The following PPFIA2 variants were observed in gnomAD, a reference collection of about 807,000 sequenced individuals.
The protein encoded by PPFIA2 is liprin-alpha-2.
Under a neutral mutation model 175.5 loss-of-function variants are expected in PPFIA2, and 46 were observed. The observed-to-expected ratio is 0.26, with a 90% CI of 0.21 to 0.34. The LOEUF is 0.34. Ranked by LOEUF, PPFIA2 falls within the 10% of genes least tolerant of loss-of-function variation. The pLI, the probability that PPFIA2 is intolerant of heterozygous loss-of-function variation, is 1.00. For synonymous variants in PPFIA2, 568 were observed against 511.4 expected, an observed-to-expected ratio of 1.11 and a Z score of -1.49; for missense variants, 1,179 against 1,506.1, an observed-to-expected ratio of 0.78 and a Z score of 3.60.
chr12:81,679,152 T>C (rs552092536), intron 3 of PPFIA2, among the ~76,000 whole-genome samples: 2 of 151,964 alleles, frequency 1.3e-5, no homozygotes, highest in African/African-American at 4.8e-5. Context: ...GGTAGTAAAA[T>C]GACTAAAATA....
At chr12:81,702,837 C>T in intron 3 of PPFIA2, among the ~76,000 whole-genome samples, 1 of 151,998 alleles carries the variant, frequency 6.6e-6, no homozygotes, top group Non-Finnish European at 1.5e-5. Context: ...AACTAGTGCC[C>T]ATATAAAACA....
intron 8 of PPFIA2, among the ~76,000 whole-genome samples, chr12:81,397,076 G>A (rs1264457280): frequency 6.6e-6 from 1 of 152,034 alleles, no homozygotes; most frequent in African/African-American, 2.4e-5. Context: ...TATTTTAAAT[G>A]TGCAAAGTCT....
chr12:81,591,867 T>A (rs2058715177), intron 4 of PPFIA2, among the ~76,000 whole-genome samples: 1 of 151,830 alleles, frequency 6.6e-6, no homozygotes, highest in South Asian at 2.1e-4. Context: ...AAATGTGGGG[T>A]CAATCTCTAC....
chr12:81,621,697 A>G (rs937871625), intron 4 of PPFIA2, among the ~76,000 whole-genome samples: 2 of 152,230 alleles, frequency 1.3e-5, no homozygotes, highest in African/African-American at 4.8e-5. Context: ...GATAACTCCA[A>G]TAATTTTCCT....
At chr12:81,433,357 T>G (rs903095087) in intron 7 of PPFIA2, among the ~76,000 whole-genome samples, 1 of 152,194 alleles carries the variant, frequency 6.6e-6, no homozygotes, top group Non-Finnish European at 1.5e-5. Context: ...AGAATACGCT[T>G]ATTCTCTGTT....
At chr12:81,456,940 A>C (rs529400176) in intron 5 of PPFIA2, among the ~76,000 whole-genome samples, 1 of 152,046 alleles carries the variant, frequency 6.6e-6, no homozygotes, top group South Asian at 2.1e-4. Context: ...CTCCTCTTTT[A>C]ATGGGCAGAT....
intron 8 of PPFIA2, among the ~76,000 whole-genome samples, chr12:81,390,753 T>A (rs535361642): frequency 6.6e-6 from 1 of 151,944 alleles, no homozygotes; most frequent in Admixed American, 6.6e-5. Flanking sequence ...TTCATGATAG[T>A]ATTCTTTGAA....
chr12:81,447,307 G>T (rs2051476709), intron 5 of PPFIA2, among the ~76,000 whole-genome samples: 1 of 152,100 alleles, frequency 6.6e-6, no homozygotes, highest in African/African-American at 2.4e-5. Context: ...AGGTTGTGGA[G>T]ATTTGCATGA....
chr12:81,370,757 A>C (rs893402953), intron 11 of PPFIA2, among the ~76,000 whole-genome samples: 1 of 151,916 alleles, frequency 6.6e-6, no homozygotes, highest in Non-Finnish European at 1.5e-5. Context: ...CAAAATTGTT[A>C]GTATGTTATG....
intron 3 of PPFIA2, among the ~76,000 whole-genome samples, chr12:81,731,020 C>G (rs956775957): frequency 6.6e-5 from 10 of 151,570 alleles, no homozygotes; most frequent in African/African-American, 2.4e-4. Context: ...TCTGTTGCTC[C>G]TGCCATCCTG....
chr12:81,284,825 A>G (rs1055807799), intron 24 of PPFIA2, among the ~76,000 whole-genome samples: 5 of 152,228 alleles, frequency 3.3e-5, no homozygotes, highest in African/African-American at 1.2e-4. Context: ...TCTGGAAACC[A>G]GCATCAGCTT....
At chr12:81,507,361 CA>C (rs2061287323) in intron 4 of PPFIA2, among the ~76,000 whole-genome samples, 1 of 151,956 alleles carries the variant, frequency 6.6e-6, no homozygotes, top group Non-Finnish European at 1.5e-5. Context: ...GTATTTTTTT[CA>C]ATCTATATCT....
intron 7 of PPFIA2, among the ~76,000 whole-genome samples, chr12:81,431,903 C>T (rs746933467): frequency 6.6e-6 from 1 of 152,120 alleles, no homozygotes; most frequent in Non-Finnish European, 1.5e-5. Context: ...CCCAATCCTA[C>T]CTCTACCTGC....
chr12:81,628,376 C>CTTTTTT (rs11304359), intron 4 of PPFIA2, among the ~76,000 whole-genome samples: 9 of 111,676 alleles, frequency 8.1e-5, no homozygotes, highest in Non-Finnish European at 1.4e-4. Context: ...TTTCTTTTAC[C>CTTTTTT]TTTTTTTTTT....
At chr12:81,391,934 T>C (rs1023537271) in intron 8 of PPFIA2, among the ~76,000 whole-genome samples, 5 of 151,852 alleles carry the variant, frequency 3.3e-5, no homozygotes, top group African/African-American at 9.7e-5. Context: ...TGGATATAGA[T>C]GGAAATATGA....
intron 6 of PPFIA2, among the ~76,000 whole-genome samples, chr12:81,442,819 G>T (rs2050411562): frequency 9.3e-6 from 1 of 107,516 alleles, no homozygotes; most frequent in African/African-American, 3.5e-5. Context: ...TGTCCCCAAG[G>T]CATGGTTAAT....
intron 5 of PPFIA2, among the ~76,000 whole-genome samples, chr12:81,452,001 T>TTG (rs1186775388): frequency 2.6e-5 from 4 of 152,154 alleles, no homozygotes; most frequent in African/African-American, 9.7e-5. Flanking sequence ...ACTCAAAGGA[T>TTG]TGTAGAGACT....
At chr12:81,595,461 T>C (rs1348285001) in intron 4 of PPFIA2, among the ~76,000 whole-genome samples, 1 of 152,080 alleles carries the variant, frequency 6.6e-6, no homozygotes, top group East Asian at 1.9e-4. Context: ...AGTCATTCAT[T>C]AGACATACAG....
chr12:81,324,261 A>T (rs1303677653), intron 22 of PPFIA2, among the ~76,000 whole-genome samples: 3 of 152,076 alleles, frequency 2.0e-5, no homozygotes, highest in Admixed American at 6.6e-5. Context: ...CTAAACTTTA[A>T]ATATGTTATT....
Sources: gnomAD v4.1 joint callset for allele counts (sites outside exome capture counted in the v4.1 genomes callset) on GRCh38, gnomAD v4.1.1 for gene constraint, MANE v1.5 for transcripts, NCBI Gene and HGNC (gene_info 2026-07-23, HGNC 2026-07-21) for gene names.